The following MPP7 variants were observed in gnomAD, a reference collection of about 807,000 sequenced individuals.
The protein encoded by MPP7 is MAGUK p55 subfamily member 7.
In MPP7, 60 loss-of-function variants were observed where a neutral mutation model predicts 76.5. The ratio of observed to expected loss-of-function variants is 0.78; its 90% CI spans 0.64 to 0.97. MPP7 has a LOEUF of 0.97. Among genes scored for constraint, MPP7 ranks in the 50% least tolerant of loss-of-function variants. The pLI is 0.00. For synonymous variants in MPP7, 237 were observed against 244.5 expected, an observed-to-expected ratio of 0.97 and a Z score of 0.29; for missense variants, 641 against 694.0, an observed-to-expected ratio of 0.92 and a Z score of 0.86.
At chr10:28,146,405 GTT>G (rs11316234) in intron 5 of MPP7, among the ~76,000 whole-genome samples, 27 of 114,410 alleles carry the variant, frequency 2.4e-4, no homozygotes, top group South Asian at 8.7e-4. Flanking sequence ...TTGTTTTTTT[GTT>G]TTTTTTTTTT....
At chr10:28,324,935 T>C (rs1057388600) in intron 2 of MPP7, among the ~76,000 whole-genome samples, 3 of 152,162 alleles carry the variant, frequency 2.0e-5, no homozygotes, top group African/African-American at 4.8e-5. Context: ...TTTGAACCAA[T>C]AGTCCAGTTC....
chr10:28,092,607 C>G (rs2133464199), intron 11 of MPP7, among the ~76,000 whole-genome samples: 1 of 120,212 alleles, frequency 8.3e-6, no homozygotes, highest in South Asian at 3.2e-4. Context: ...GGGACTGGCT[C>G]TGTTGCCCAG....
chr10:28,074,966 T>C (rs1044999363), intron 12 of MPP7, among the ~76,000 whole-genome samples: 2 of 152,154 alleles, frequency 1.3e-5, no homozygotes, highest in South Asian at 2.1e-4. Flanking sequence ...AGAGGTTTAA[T>C]TGGCCCACAG....
intron 5 of MPP7, among the ~76,000 whole-genome samples, chr10:28,144,329 A>C (rs1353759584): frequency 6.6e-6 from 1 of 152,076 alleles, no homozygotes; most frequent in Non-Finnish European, 1.5e-5. Context: ...ACTTTTTTAT[A>C]AGCTCACGAT....
At chr10:28,075,477 T>G (rs999431405) in intron 12 of MPP7, among the ~76,000 whole-genome samples, 1 of 152,026 alleles carries the variant, frequency 6.6e-6, no homozygotes, top group African/African-American at 2.4e-5. Flanking sequence ...CAAGTGTAAA[T>G]TTTTTTACAG....
intron 1 of MPP7, among the ~76,000 whole-genome samples, chr10:28,260,771 A>G (rs1480873691): frequency 9.3e-6 from 1 of 108,070 alleles, no homozygotes; most frequent in African/African-American, 3.3e-5. Flanking sequence ...CTCCATCTCA[A>G]AAAAAAAAAA....
intron 3 of MPP7, among the ~76,000 whole-genome samples, chr10:28,166,759 T>C (rs1836478308): frequency 1.3e-5 from 2 of 152,192 alleles, no homozygotes; most frequent in South Asian, 4.1e-4. Context: ...GTGTGAATGT[T>C]TCAACAATAT....
chr10:28,301,715 T>C (rs941491539), intron 1 of MPP7, among the ~76,000 whole-genome samples: 7 of 151,946 alleles, frequency 4.6e-5, no homozygotes, highest in Admixed American at 3.9e-4. Flanking sequence ...CTCAGAAGAG[T>C]AGGAGGATGG....
chr10:28,089,037 G>A (rs558470283), intron 12 of MPP7, among the ~76,000 whole-genome samples: 110 of 152,186 alleles, frequency 7.2e-4, no homozygotes, highest in African/African-American at 2.4e-3. Context: ...TACCACGCCT[G>A]GCTAATTTTT....
chr10:28,122,280 G>C (rs184825211), intron 8 of MPP7, among the ~76,000 whole-genome samples: 2 of 152,084 alleles, frequency 1.3e-5, no homozygotes, highest in Admixed American at 1.3e-4. Flanking sequence ...TACTATTACT[G>C]CTGAGCCATA....
chr10:28,244,226 A>G (rs1839361438), intron 1 of MPP7, among the ~76,000 whole-genome samples: 1 of 152,214 alleles, frequency 6.6e-6, no homozygotes, highest in Admixed American at 6.5e-5. Context: ...ATCTAGAAGT[A>G]GCATGCTTTC....
rs772365190 is a variant in MPP7, at chr10:28,058,567, G to T, written c.1335C>A (p.Tyr445Ter). Residue 445 changes from tyrosine to a stop codon, truncating the protein, a stop_gained, in exon 15 of 17, where the codon TAC (tyrosine) becomes TAA (stop). Coordinates refer to ENST00000683449, the MANE Select transcript of MPP7 (RefSeq NM_001318170.2). LOFTEE classifies it high-confidence loss of function. ...IEYGEYKNNYYGTSIDSVRSV... is the reference protein window; with the variant it reads ...IEYGEYKNNY ...ACCGAACTGAGTCTATACTTGTGCC[G>T]TAGTAGTTGTTTTTATATTCTCCAT... The T allele has an allele frequency of 1.3e-6, 2 of 1,599,480 alleles. No individual in the cohort carries two copies. Among genetic ancestry groups the T allele is most frequent in the Non-Finnish European group, 1.7e-6 (2 of 1,172,046 alleles).
chr10:28,088,705 T>C (rs1853139821), intron 12 of MPP7, among the ~76,000 whole-genome samples: 1 of 152,196 alleles, frequency 6.6e-6, no homozygotes, highest in African/African-American at 2.4e-5. Context: ...GCTTTGATCC[T>C]GGAAGTTTAA....
At chr10:28,323,276 C>T (rs1410243156) in intron 2 of MPP7, among the ~76,000 whole-genome samples, 5 of 151,896 alleles carry the variant, frequency 3.3e-5, no homozygotes, top group Non-Finnish European at 7.4e-5. Context: ...CAGAGCGACA[C>T]TCCATCTCAA....
intron 13 of MPP7, among the ~76,000 whole-genome samples, chr10:28,068,571 T>C (rs753504633): frequency 6.6e-6 from 1 of 152,148 alleles, no homozygotes; most frequent in Non-Finnish European, 1.5e-5. Flanking sequence ...AGAATGCCTA[T>C]GAAAACCACT....
At chr10:28,333,056 T>TA (rs1401528937) in intron 1 of MPP7, among the ~76,000 whole-genome samples, 2 of 152,194 alleles carry the variant, frequency 1.3e-5, no homozygotes, top group Non-Finnish European at 2.9e-5. Flanking sequence ...GGACACAGGC[T>TA]ATGCTTATGG....
At chr10:28,311,819 G>A (rs916557399) in intron 2 of MPP7, among the ~76,000 whole-genome samples, 12 of 151,698 alleles carry the variant, frequency 7.9e-5, no homozygotes, top group African/African-American at 2.4e-4. Context: ...CTAATGCTCC[G>A]TCCTCCCTCT....
intron 2 of MPP7, among the ~76,000 whole-genome samples, chr10:28,218,928 T>C (rs376009050): frequency 6.6e-6 from 1 of 152,176 alleles, no homozygotes; most frequent in African/African-American, 2.4e-5. Flanking sequence ...TTTCACACTT[T>C]CCTTCCCTCC....
chr10:28,334,560 G>A (rs1442096369), upstream of MPP7: 2 of 152,134 alleles, frequency 1.3e-5, no homozygotes, highest in African/African-American at 2.4e-5. Flanking sequence ...TGTGCTTGAC[G>A]TTTATTTGTT....
Sources: gnomAD v4.1 joint callset for allele counts (sites outside exome capture counted in the v4.1 genomes callset) on GRCh38, gnomAD v4.1.1 for gene constraint, MANE v1.5 for transcripts, NCBI Gene and HGNC (gene_info 2026-07-23, HGNC 2026-07-21) for gene names.